HDAC8: variants seen among roughly 807,000 people sequenced by gnomAD.
HDAC8 encodes histone deacetylase 8.
In HDAC8, 1 loss-of-function variant was observed where a neutral mutation model predicts 32.2. The observed-to-expected ratio is 0.03, with a 90% CI of 0.01 to 0.15. HDAC8 has a LOEUF of 0.15. Ranked by LOEUF, HDAC8 falls within the 10% of genes least tolerant of loss-of-function variation. The pLI is 1.00. For synonymous variants in HDAC8, 108 were observed against 113.9 expected (o/e 0.95, Z 0.33); for missense variants, 117 against 300.0 (o/e 0.39, Z 4.51).
At chrX:72,407,515 A>G (rs1555969049) in intron 9 of HDAC8, among the ~76,000 whole-genome samples, 1 of 112,094 alleles carries the variant, frequency 8.9e-6, no homozygotes, top group African/African-American at 3.2e-5. Flanking sequence ...CCATGTGACA[A>G]AGACCCCATC....
In HDAC8 at chrX:72,412,178, A is replaced by T. The variant is rs183047666; in HGVS notation, c.1005+49826T>A. ...TTCTTCTGTTCTTAAATACTTCTTA[A>T]GAGTAGGACGGAAAGCAAAATATTT... On this transcript the variant is annotated intron_variant, in intron 9 of 10. Coordinates refer to ENST00000373573, the MANE Select transcript of HDAC8 (RefSeq NM_018486.3). Among the ~76,000 whole-genome samples the T allele has an allele frequency of 2.2e-4, 25 of 111,980 alleles. No homozygotes were observed. In the Admixed American group the frequency reaches 2.4e-3, roughly 11 times the overall value.
chrX:72,332,606 TG>T (rs1335145247), intron 10 of HDAC8, among the ~76,000 whole-genome samples: 1 of 94,364 alleles, frequency 1.1e-5, no homozygotes, highest in Non-Finnish European at 1.9e-5. Context: ...ACTTCCTAAT[TG>T]TTTTTTTTTT....
At chrX:72,363,789 G>A (rs782448912) in intron 9 of HDAC8, among the ~76,000 whole-genome samples, 11 of 112,070 alleles carry the variant, frequency 9.8e-5, no homozygotes, top group African/African-American at 3.6e-4. Context: ...GGCCAGGCTG[G>A]TCTTGAACTC....
chrX:72,477,801 T>C (rs1413241875), intron 7 of HDAC8, among the ~76,000 whole-genome samples: 1 of 112,818 alleles, frequency 8.9e-6, no homozygotes, highest in African/African-American at 3.2e-5. Context: ...ATGTTAAACA[T>C]GCCTATGTTA....
chrX:72,474,746 C>G, intron 7 of HDAC8: 5 of 1,011,611 alleles, frequency 4.9e-6, no homozygotes, highest in Non-Finnish European at 6.9e-6. Flanking sequence ...AGGATAAAAG[C>G]CAGAGTGGTG....
intron 9 of HDAC8, among the ~76,000 whole-genome samples, chrX:72,378,940 C>T (rs2045178894): frequency 9.1e-6 from 1 of 109,382 alleles, no homozygotes; most frequent in Admixed American, 9.8e-5. Flanking sequence ...TCATTGCAAC[C>T]TCCACCTCCA....
intron 10 of HDAC8, among the ~76,000 whole-genome samples, chrX:72,351,077 C>T (rs782017281): frequency 9.0e-6 from 1 of 111,532 alleles, no homozygotes; most frequent in Admixed American, 9.5e-5. Context: ...GCCCCCTCCC[C>T]ACCCCTGCTA....
intron 9 of HDAC8, among the ~76,000 whole-genome samples, chrX:72,417,859 A>T (rs781896259): frequency 1.0e-3 from 114 of 112,003 alleles, no homozygotes; most frequent in Non-Finnish European, 1.6e-3. Context: ...TGGTACTGGT[A>T]TAAAAACAGA....
Position 72,482,963 on chromosome X carries a change from C to T in HDAC8, c.737+5970G>A, listed in dbSNP as rs141588149. On this transcript the variant is annotated intron_variant, in intron 7 of 10. Coordinates refer to ENST00000373573, the MANE Select transcript of HDAC8 (RefSeq NM_018486.3). ...TAAATGTTTAGTGTAATTACTGGCA[C>T]AGGCAAGGGTTCCCTTAGAGTTAAG... Among the ~76,000 whole-genome samples, 508 of 111,918 alleles carry T rather than the reference C, an allele frequency of 4.5e-3. 1 individual carries two copies. Among genetic ancestry groups the T allele is most frequent in the African/African-American group, 0.016 (493 of 30,807 alleles).
chrX:72,500,780 C>G (rs1259282556), intron 4 of HDAC8, among the ~76,000 whole-genome samples: 5 of 111,746 alleles, frequency 4.5e-5, no homozygotes, highest in Non-Finnish European at 9.4e-5. Flanking sequence ...TCAGAGCAAT[C>G]AGGTAAGAGA....
At chrX:72,391,423 A>G in intron 9 of HDAC8, among the ~76,000 whole-genome samples, 1 of 112,392 alleles carries the variant, frequency 8.9e-6, no homozygotes. Context: ...ATGGAAAGAG[A>G]TAGGGAACTC....
At chrX:72,392,632 G>T (rs1555964278) in intron 9 of HDAC8, among the ~76,000 whole-genome samples, 1 of 112,116 alleles carries the variant, frequency 8.9e-6, no homozygotes, top group African/African-American at 3.2e-5. Context: ...TAAAAAATGA[G>T]TAAACATTAT....
intron 7 of HDAC8, among the ~76,000 whole-genome samples, chrX:72,471,698 TTG>T (rs1371467124): frequency 4.5e-5 from 5 of 111,749 alleles, no homozygotes; most frequent in African/African-American, 1.6e-4. Context: ...TCAAACCGGG[TTG>T]TCTTTTTAAT....
At chrX:72,440,300 GA>G (rs1157940006) in intron 9 of HDAC8, among the ~76,000 whole-genome samples, 21 of 111,685 alleles carry the variant, frequency 1.9e-4, no homozygotes. Context: ...CAATGTACCA[GA>G]ATCTCTGGGA....
intron 9 of HDAC8, among the ~76,000 whole-genome samples, chrX:72,418,618 A>C (rs1253421076): frequency 8.9e-6 from 1 of 111,954 alleles, no homozygotes; most frequent in Non-Finnish European, 1.9e-5. Context: ...TATGGAAAGC[A>C]TTATGATGAT....
chrX:72,336,726 C>T (rs1024510464), intron 10 of HDAC8, among the ~76,000 whole-genome samples: 8 of 110,466 alleles, frequency 7.2e-5, no homozygotes, highest in South Asian at 3.9e-4. Context: ...AAAATGGGCT[C>T]GCTTTTGCCC....
intron 9 of HDAC8, among the ~76,000 whole-genome samples, chrX:72,404,463 T>A (rs1222473156): frequency 9.0e-6 from 1 of 111,420 alleles, no homozygotes; most frequent in African/African-American, 3.3e-5. Flanking sequence ...TCCCACAAAT[T>A]AGAAATTATT....
chrX:72,461,406 A>C (rs930847747), intron 9 of HDAC8, among the ~76,000 whole-genome samples: 1 of 111,987 alleles, frequency 8.9e-6, no homozygotes, highest in Non-Finnish European at 1.9e-5. Context: ...GCTTTGGAAA[A>C]CATAAAGCCC....
intron 7 of HDAC8, chrX:72,473,705 T>A: frequency 2.7e-6 from 2 of 754,316 alleles, no homozygotes; most frequent in Non-Finnish European, 3.1e-6. Flanking sequence ...TCAGATACTA[T>A]GTCAGCCACT....
Sources: gnomAD v4.1 joint callset for allele counts (sites outside exome capture counted in the v4.1 genomes callset) on GRCh38, gnomAD v4.1.1 for gene constraint, MANE v1.5 for transcripts, NCBI Gene and HGNC (gene_info 2026-07-23, HGNC 2026-07-21) for gene names.